The following DMRTC2 variants were observed in gnomAD, a reference collection of about 807,000 sequenced individuals.
DMRTC2 encodes the protein DMRT like family C2.
In DMRTC2, 13 loss-of-function variants were observed where a neutral mutation model predicts 39.9. The observed-to-expected ratio is 0.33, with a 90% CI of 0.21 to 0.52. DMRTC2 has a LOEUF of 0.52. DMRTC2 is among the 20% of genes least tolerant of loss of function. The probability of loss-of-function intolerance (pLI) is 0.96; values close to 1 mark genes in which losing one functional copy is unlikely to be tolerated. For missense variants in DMRTC2, 431 were observed against 472.8 expected (o/e 0.91, Z 0.82); for synonymous variants, 189 against 185.2 (o/e 1.02, Z -0.17).
chr19:41,850,659 A>C lies in DMRTC2; in HGVS notation c.950A>C (p.Asn317Thr). The change falls in exon 8 of 9, where the codon AAC (asparagine) becomes ACC (threonine). Residue 317 changes from asparagine (N) to threonine (T), a missense_variant. By Grantham distance (65) the Asn-to-Thr change is moderately conservative. Coordinates refer to ENST00000269945, the MANE Select transcript of DMRTC2 (RefSeq NM_001040283.3). ...APRVTPSVPPNPAWISLLHPC... is the reference protein window; with the variant it reads ...APRVTPSVPPTPAWISLLHPC... ...CGTGTGACCCCTTCTGTGCCCCCCA[A>C]CCCTGCCTGGATCTCCCTGCTTCAC... 1 of 1,601,516 alleles carries C rather than the reference A, an allele frequency of 6.2e-7. No individual in the cohort carries two copies. The highest frequency in any genetic ancestry group is 1.1e-5 in the South Asian group (1 of 89,756).
At chr19:41,847,252 G>T (rs957946417) in intron 1 of DMRTC2, 173 bp from the exon 2 acceptor site, 1 of 974,660 alleles carries the variant, frequency 1.0e-6, no homozygotes. Context: ...GAAGAAGGAA[G>T]ATACCTGAGA....
chr19:41,848,770 C>T, intron 4 of DMRTC2, 25 bp from the exon 5 acceptor site: 1 of 1,606,646 alleles, frequency 6.2e-7, no homozygotes, highest in Non-Finnish European at 8.5e-7. Flanking sequence ...TACCCAACTC[C>T]AGCCTGTGCC....
At chr19:41,851,290 T>C (rs2123233686) in intron 8 of DMRTC2, 1 of 343,000 alleles carries the variant, frequency 2.9e-6, no homozygotes, top group Non-Finnish European at 5.3e-6. Context: ...GGTGGAGATC[T>C]GGCATGCCAG....
In DMRTC2 at chr19:41,847,554, C is replaced by T. The variant is rs201763027; in HGVS notation, c.126C>T (p.Cys42=). The T allele has an allele frequency of 1.4e-4, 233 of 1,614,078 alleles. No individual in the cohort carries two copies. Among genetic ancestry groups the T allele is most frequent in the Admixed American group, 2.3e-4 (14 of 60,010 alleles). ...PRRAISRSPT[C]ARCRNHGVTA... Reference sequence around the variant, plus strand: ...GAGCCATCAGCCGCTCTCCAACCTGCGCCCGCTGCCGCAACCATGGTGTCA... The same window carrying T: ...GAGCCATCAGCCGCTCTCCAACCTGTGCCCGCTGCCGCAACCATGGTGTCA... Residue 42 remains cysteine (C), a synonymous_variant, in exon 2 of 9, where the codon TGC becomes TGT. Transcript: ENST00000269945.
chr19:41,848,760 T>A, intron 4 of DMRTC2, 35 bp from the exon 5 acceptor site: 1 of 1,606,464 alleles, frequency 6.2e-7, no homozygotes, highest in East Asian at 2.2e-5. Flanking sequence ...TCCAGCCTTG[T>A]ACCCAACTCC....
Position 41,847,564 on chromosome 19 carries a change from C to T in DMRTC2, c.136C>T (p.Arg46Cys), listed in dbSNP as rs2073883448. Residue 46 changes from arginine to cysteine, a missense_variant, in exon 2 of 9, where the codon CGC (arginine) becomes TGC (cysteine). Physicochemically the swap from Arg to Cys is radical, Grantham distance 180. Transcript: ENST00000269945. Reference sequence around the variant, plus strand: ...CCGCTCTCCAACCTGCGCCCGCTGCCGCAACCATGGTGTCACCGCCCATCT... The same window carrying T: ...CCGCTCTCCAACCTGCGCCCGCTGCTGCAACCATGGTGTCACCGCCCATCT... ...ISRSPTCARC[R>C]NHGVTAHLKG... is the part of the protein sequence containing the mutation. 6.2e-7 allele frequency: 1 copy of T among 1,614,206 alleles called. No homozygotes were observed.
chr19:41,846,280 C>T (rs181353113), intron 1 of DMRTC2, among the ~76,000 whole-genome samples: 3 of 152,084 alleles, frequency 2.0e-5, no homozygotes, highest in South Asian at 2.1e-4. Flanking sequence ...ACTGTTGGGA[C>T]GGAACAGGGT....
At chr19:41,849,499 A>G (rs782462129) in intron 6 of DMRTC2, among the ~76,000 whole-genome samples, 1 of 152,228 alleles carries the variant, frequency 6.6e-6, no homozygotes, top group Non-Finnish European at 1.5e-5. Context: ...TGATTGTTGT[A>G]AGAATTAGCA....
At chr19:41,845,945 G>A (rs2073829797) in intron 1 of DMRTC2, among the ~76,000 whole-genome samples, 2 of 152,102 alleles carry the variant, frequency 1.3e-5, no homozygotes, top group Non-Finnish European at 2.9e-5. Flanking sequence ...TCAGGAGGTG[G>A]AGGCTGCAGT....
At chr19:41,844,962 A>C (rs1297977751), upstream of DMRTC2, 1 of 152,280 alleles carries the variant, frequency 6.6e-6, no homozygotes, top group African/African-American at 2.4e-5. Flanking sequence ...GCCTCGGCTG[A>C]GAGAGGCGAT....
chr19:41,850,259 G>C, intron 6 of DMRTC2, 53 bp from the exon 7 acceptor site: 1 of 1,414,444 alleles, frequency 7.1e-7, no homozygotes. Flanking sequence ...TTCAATGTGT[G>C]CATGTCTGTT....
chr19:41,846,055 G>C (rs2073834226), intron 1 of DMRTC2, among the ~76,000 whole-genome samples: 1 of 152,082 alleles, frequency 6.6e-6, no homozygotes, highest in African/African-American at 2.4e-5. Flanking sequence ...TGAGAATAAG[G>C]TAATTATTGG....
chr19:41,845,976 C>T (rs11881984), intron 1 of DMRTC2, among the ~76,000 whole-genome samples: 3,743 of 151,444 alleles, frequency 0.025, 159 homozygotes, highest in African/African-American at 0.085. Flanking sequence ...CACGCCACTG[C>T]GCTCCAGCCT....
chr19:41,850,075 G>A (rs1159187047), intron 6 of DMRTC2, among the ~76,000 whole-genome samples: 1 of 151,010 alleles, frequency 6.6e-6, no homozygotes, highest in Non-Finnish European at 1.5e-5. Flanking sequence ...GCAAGAGCCT[G>A]TCTCAAAAAA....
At chr19:41,846,136 G>A (rs1345219243) in intron 1 of DMRTC2, among the ~76,000 whole-genome samples, 1 of 152,222 alleles carries the variant, frequency 6.6e-6, no homozygotes, top group African/African-American at 2.4e-5. Context: ...CAAGGAGGCA[G>A]TTGCTTTGCA....
chr19:41,845,683 C>T (rs183591347), intron 1 of DMRTC2, among the ~76,000 whole-genome samples: 14 of 152,230 alleles, frequency 9.2e-5, no homozygotes, highest in Admixed American at 5.2e-4. Context: ...AAAAATTAGA[C>T]GGGCGTGGTG....
At chr19:41,848,384 G>C in intron 3 of DMRTC2, 68 bp from the exon 4 acceptor site, 1 of 1,359,346 alleles carries the variant, frequency 7.4e-7, no homozygotes, top group South Asian at 1.4e-5. Context: ...GATGAGAACT[G>C]TCTGGGGTTG....
intron 1 of DMRTC2, among the ~76,000 whole-genome samples, chr19:41,845,816 G>A (rs1555835647): frequency 6.6e-6 from 1 of 151,998 alleles, no homozygotes; most frequent in East Asian, 1.9e-4. Context: ...TACAGAGTGA[G>A]ACTCCATCTC....
At chr19:41,845,570 C>A (rs1480494946) in intron 1 of DMRTC2, among the ~76,000 whole-genome samples, 1 of 152,192 alleles carries the variant, frequency 6.6e-6, no homozygotes, top group Non-Finnish European at 1.5e-5. Context: ...TGCCTGTAAT[C>A]CCAACACTTT....
Sources: gnomAD v4.1 joint callset for allele counts (sites outside exome capture counted in the v4.1 genomes callset) on GRCh38, gnomAD v4.1.1 for gene constraint, MANE v1.5 for transcripts, NCBI Gene and HGNC (gene_info 2026-07-23, HGNC 2026-07-21) for gene names.